Variants in PRKN observed in about 807,000 individuals in gnomAD.
PRKN encodes the protein E3 ubiquitin-protein ligase parkin.
A neutral mutation model predicts 59.5 loss-of-function variants in PRKN; 56 were observed. The observed-to-expected ratio is 0.94, with a 90% CI of 0.76 to 1.18. PRKN has a LOEUF of 1.18. PRKN is among the 50% of genes most tolerant of loss of function. The probability of loss-of-function intolerance (pLI) is 0.00; values close to 1 mark genes in which losing one functional copy is unlikely to be tolerated. For missense variants in PRKN, 657 were observed against 596.4 expected, an observed-to-expected ratio of 1.10 and a Z score of -1.06; for synonymous variants, 250 against 222.1, an observed-to-expected ratio of 1.13 and a Z score of -1.12.
intron 3 of PRKN, among the ~76,000 whole-genome samples, chr6:162,237,603 C>T (rs1778797158): frequency 1.3e-5 from 2 of 152,062 alleles, no homozygotes; most frequent in South Asian, 4.1e-4. Context: ...CCTTACCTGT[C>T]AATCACAAAA....
chr6:162,028,078 T>C (rs959402223), intron 5 of PRKN, among the ~76,000 whole-genome samples: 93 of 152,260 alleles, frequency 6.1e-4, no homozygotes, highest in African/African-American at 2.2e-3. Flanking sequence ...CACTGAGAAC[T>C]GTCATGTCAT....
At chr6:161,626,710 T>A (rs1002845691) in intron 7 of PRKN, among the ~76,000 whole-genome samples, 4 of 152,052 alleles carry the variant, frequency 2.6e-5, no homozygotes, top group African/African-American at 9.7e-5. Flanking sequence ...AGATATCTAG[T>A]GAAAGAGTGG....
chr6:162,409,855 T>G (rs959720029), intron 2 of PRKN, among the ~76,000 whole-genome samples: 6 of 152,198 alleles, frequency 3.9e-5, no homozygotes, highest in Admixed American at 1.3e-4. Context: ...CCAACTTTTT[T>G]ACCAAGTAGT....
chr6:161,614,562 G>A (rs1782618043), intron 7 of PRKN, among the ~76,000 whole-genome samples: 1 of 152,190 alleles, frequency 6.6e-6, no homozygotes, highest in African/African-American at 2.4e-5. Context: ...AGACTATGTT[G>A]AGATTGTATT....
chr6:161,449,050 C>T (rs1434844685), intron 9 of PRKN, among the ~76,000 whole-genome samples: 3 of 152,062 alleles, frequency 2.0e-5, no homozygotes, highest in South Asian at 4.1e-4. Flanking sequence ...CATCAGGGCT[C>T]GGGTAAGAAC....
intron 6 of PRKN, among the ~76,000 whole-genome samples, chr6:161,965,784 G>C (rs898637960): frequency 1.3e-5 from 2 of 152,018 alleles, no homozygotes; most frequent in Non-Finnish European, 2.9e-5. Context: ...GTTGACATTT[G>C]GTTGAGTTTG....
At chr6:161,521,729 C>T (rs1025254439) in intron 9 of PRKN, among the ~76,000 whole-genome samples, 10 of 152,114 alleles carry the variant, frequency 6.6e-5, no homozygotes, top group African/African-American at 2.4e-4. Flanking sequence ...TTGGGAGGTC[C>T]ATTTTCATCT....
chr6:162,216,546 A>AC (rs1421847907), intron 3 of PRKN, among the ~76,000 whole-genome samples: 1 of 149,740 alleles, frequency 6.7e-6, no homozygotes, highest in African/African-American at 2.5e-5. Context: ...CAAAAAAAAA[A>AC]AAAAAAAAAA....
In PRKN at chr6:161,466,879, C is replaced by T. The variant is rs1357976692; in HGVS notation, c.1084-80002G>A. 6.6e-6 allele frequency among the ~76,000 whole-genome samples: 1 copy of T among 152,222 alleles called. No individual in the cohort carries two copies. Among genetic ancestry groups the T allele is most frequent in the East Asian group, 1.9e-4 (1 of 5,196 alleles). ...AGCTTTTTCCTTTCTGGGACAGTCA[C>T]ACGAAGTTAGTTAATGAGGGATTTT... On this transcript the variant is annotated intron_variant, in intron 9 of 11. Coordinates refer to ENST00000366898, the MANE Select transcript of PRKN (RefSeq NM_004562.3). The surrounding 1 kb of genome is among the most constrained non-coding windows in gnomAD (Gnocchi z 5.0).
At chr6:162,619,361 C>T (rs2803044) in intron 1 of PRKN, among the ~76,000 whole-genome samples, 80,330 of 150,818 alleles carry the variant, frequency 0.53, 22,112 homozygotes, top group African/African-American at 0.64. Context: ...TTGGCTAGGA[C>T]GGTCTCCATC....
At position 161,467,049 on chromosome 6, in the gene PRKN, G is replaced by T. The variant is rs773394638; in HGVS notation, c.1084-80172C>A. On this transcript the variant is annotated intron_variant, in intron 9 of 11. Transcript: ENST00000366898. The surrounding 1 kb of genome is among the most constrained non-coding windows in gnomAD (Gnocchi z 4.3). ...GAATGTTCTACATCCCAGAAACCAG[G>T]ATTGTTTGCCACTGATTTCATTTTC... 6.6e-6 allele frequency among the ~76,000 whole-genome samples: 1 copy of T among 152,162 alleles called. No individual in the cohort carries two copies. The highest frequency in any genetic ancestry group is 1.5e-5 in the Non-Finnish European group (1 of 68,020).
At chr6:162,507,498 T>C (rs1793661193) in intron 1 of PRKN, among the ~76,000 whole-genome samples, 1 of 152,142 alleles carries the variant, frequency 6.6e-6, no homozygotes, top group African/African-American at 2.4e-5. Flanking sequence ...GCCAGCACCA[T>C]ATTGACAGCC....
intron 1 of PRKN, among the ~76,000 whole-genome samples, chr6:162,556,270 C>G (rs957779409): frequency 6.6e-6 from 1 of 150,498 alleles, no homozygotes; most frequent in Admixed American, 6.7e-5. Flanking sequence ...TTTTGGAAAC[C>G]CAAGTTGAGA....
At chr6:162,089,999 C>T (rs1390629827) in intron 4 of PRKN, among the ~76,000 whole-genome samples, 1 of 152,104 alleles carries the variant, frequency 6.6e-6, no homozygotes, top group Non-Finnish European at 1.5e-5. Flanking sequence ...TATGAATACA[C>T]TACTAAACTG....
At chr6:162,699,620 GA>G (rs1778082636) in intron 1 of PRKN, among the ~76,000 whole-genome samples, 1 of 152,216 alleles carries the variant, frequency 6.6e-6, no homozygotes, top group South Asian at 2.1e-4. Flanking sequence ...CTAATTTTAA[GA>G]ATAAAAGTGT....
intron 10 of PRKN, chr6:161,370,012 C>A (rs757991426): frequency 2.7e-5 from 12 of 442,848 alleles, no homozygotes; most frequent in Non-Finnish European, 4.1e-5. Flanking sequence ...TCTATGATCA[C>A]CACCATTATT....
At chr6:161,532,476 G>A (rs1037862599) in intron 9 of PRKN, among the ~76,000 whole-genome samples, 10 of 148,142 alleles carry the variant, frequency 6.8e-5, no homozygotes, top group African/African-American at 2.2e-4. Context: ...TCCCTACTCA[G>A]GAGTTTACTC....
chr6:162,591,422 T>C (rs1277998284), intron 1 of PRKN, among the ~76,000 whole-genome samples: 1 of 152,182 alleles, frequency 6.6e-6, no homozygotes, highest in Non-Finnish European at 1.5e-5. Context: ...CCATGTGATA[T>C]GTTGTTACGT....
At chr6:161,874,515 A>C (rs1794576587) in intron 6 of PRKN, among the ~76,000 whole-genome samples, 1 of 106,248 alleles carries the variant, frequency 9.4e-6, no homozygotes, top group Non-Finnish European at 1.7e-5. Context: ...TATATGTAAA[A>C]TATATATTAT....
Sources: allele counts gnomAD v4.1 joint callset (sites outside exome capture counted in the v4.1 genomes callset), GRCh38; gene constraint gnomAD v4.1.1; non-coding constraint Gnocchi (gnomAD v3.1); transcripts MANE v1.5; gene names NCBI Gene and HGNC (gene_info 2026-07-23, HGNC 2026-07-21).